The following NRG1 variants were observed in gnomAD, a reference collection of about 807,000 sequenced individuals.
NRG1 encodes pro-neuregulin-1, membrane-bound isoform.
A neutral mutation model predicts 63.8 loss-of-function variants in NRG1; 18 were observed. The ratio of observed to expected loss-of-function variants is 0.28; its 90% confidence interval spans 0.19 to 0.42. NRG1 has a LOEUF of 0.42. Ranked by LOEUF, NRG1 falls within the 10% of genes least tolerant of loss-of-function variation. The probability of loss-of-function intolerance (pLI) is 1.00; values close to 1 mark genes in which losing one functional copy is unlikely to be tolerated. For synonymous variants in NRG1, 302 were observed against 301.3 expected, an observed-to-expected ratio of 1.00 and a Z score of -0.02; for missense variants, 762 against 814.7, an observed-to-expected ratio of 0.94 and a Z score of 0.79.
chr8:31,781,879 G>A (rs1053989501), intron 1 of NRG1, among the ~76,000 whole-genome samples: 1 of 152,048 alleles, frequency 6.6e-6, no homozygotes, highest in Non-Finnish European at 1.5e-5. Context: ...TCTGATGGGA[G>A]TAAGTTGTAT....
Position 32,148,522 on chromosome 8 carries a change from C to A in NRG1, c.38-447306C>A, listed in dbSNP as rs528818918. Among the ~76,000 whole-genome samples, 4 of 152,304 alleles carry A rather than the reference C, an allele frequency of 2.6e-5. No homozygotes were observed. The East Asian group carries it at 7.7e-4, about 29-fold the overall frequency. On this transcript the variant is annotated intron_variant, in intron 1 of 10. Transcript: ENST00000519301. ...CACACCATACTCCTGCCTCAGCCTC[C>A]CTAGTAGCTGGGACTACAGCCGCCC...
At chr8:32,249,162 T>G (rs1848857297) in intron 1 of NRG1, among the ~76,000 whole-genome samples, 1 of 152,116 alleles carries the variant, frequency 6.6e-6, no homozygotes, top group African/African-American at 2.4e-5. Context: ...TTTTATTTTT[T>G]TCAGAGATGG....
At chr8:31,708,492 C>T (rs1201446175) in intron 1 of NRG1, among the ~76,000 whole-genome samples, 2 of 145,282 alleles carry the variant, frequency 1.4e-5, no homozygotes, top group African/African-American at 2.5e-5. Flanking sequence ...GGCGCCCAGG[C>T]TGGAGTGCAG....
chr8:31,980,102 A>G (rs1808835412), intron 1 of NRG1, among the ~76,000 whole-genome samples: 1 of 152,008 alleles, frequency 6.6e-6, no homozygotes, highest in African/African-American at 2.4e-5. Context: ...AGCCAAGGTG[A>G]TGGAATTAGT....
chr8:31,794,977 AT>A (rs1265810771), intron 1 of NRG1, among the ~76,000 whole-genome samples: 1 of 152,008 alleles, frequency 6.6e-6, no homozygotes, highest in Non-Finnish European at 1.5e-5. Context: ...TAATTTTTGT[AT>A]TTTTAGTAGA....
At chr8:31,961,017 G>A (rs558213345) in intron 1 of NRG1, among the ~76,000 whole-genome samples, 92 of 152,236 alleles carry the variant, frequency 6.0e-4, no homozygotes, top group Non-Finnish European at 1.1e-3. Context: ...TCAGTCCTTG[G>A]AATTTTTTTT....
At chr8:31,659,841 A>G (rs1239020704) in intron 1 of NRG1, among the ~76,000 whole-genome samples, 1 of 152,188 alleles carries the variant, frequency 6.6e-6, no homozygotes, top group East Asian at 1.9e-4. Flanking sequence ...TAGCTACCAA[A>G]AAGTGGACAT....
intron 1 of NRG1, among the ~76,000 whole-genome samples, chr8:31,674,727 C>T (rs1807504279): frequency 6.6e-6 from 1 of 152,186 alleles, no homozygotes; most frequent in African/African-American, 2.4e-5. Context: ...CCTGAATTTA[C>T]TGTAGTCAAC....
In NRG1 at chr8:31,853,578, CT is replaced by C. The variant is rs1434354677; in HGVS notation, c.37+214151del. ...GCAAACAGGGACAATTTGACTTCCT[CT>C]TTTCCTAATTGAATACCCTTTATTT... On this transcript the variant is annotated intron_variant, in intron 1 of 10. Coordinates refer to the NRG1 transcript ENST00000519301. Among the ~76,000 whole-genome samples, 7 of 150,956 alleles carry C rather than the reference CT, an allele frequency of 4.6e-5. No individual in the cohort carries two copies. In the East Asian group the frequency reaches 1.4e-3, roughly 30 times the overall value.
chr8:32,259,213 C>A (rs529837688), intron 1 of NRG1, among the ~76,000 whole-genome samples: 1 of 152,128 alleles, frequency 6.6e-6, no homozygotes, highest in Non-Finnish European at 1.5e-5. Flanking sequence ...TTTGAATGTC[C>A]CTATCAAAAC....
At chr8:31,867,610 A>C (rs10503893) in intron 1 of NRG1, among the ~76,000 whole-genome samples, 22,939 of 152,100 alleles carry the variant, frequency 0.15, 2,054 homozygotes, top group Non-Finnish European at 0.19. Flanking sequence ...GCTGTAATGG[A>C]AGTAATAAAG....
Position 31,736,163 on chromosome 8 carries a change from G to A in NRG1, c.37+96732G>A, listed in dbSNP as rs78671172. On this transcript the variant is annotated intron_variant, in intron 1 of 10. Transcript: ENST00000519301. ...CCACCTGACCTCTTTTTCTACCACCGCCCTCAGGTCACTCTGCTTCAGACA... is the reference window on the plus strand; with the variant it reads ...CCACCTGACCTCTTTTTCTACCACCACCCTCAGGTCACTCTGCTTCAGACA... Among the ~76,000 whole-genome samples the A allele has an allele frequency of 4.5e-3, 687 of 151,996 alleles. 9 individuals carry two copies. Among genetic ancestry groups the A allele is most frequent in the African/African-American group, 0.016 (644 of 41,460 alleles).
chr8:32,712,939 T>G (rs1002147404), intron 5 of NRG1, among the ~76,000 whole-genome samples: 1 of 152,164 alleles, frequency 6.6e-6, no homozygotes, highest in African/African-American at 2.4e-5. Context: ...TCTCTAGAAT[T>G]GGATCATCCA....
chr8:32,637,376 C>T (rs1000465204), intron 5 of NRG1, among the ~76,000 whole-genome samples: 4 of 152,128 alleles, frequency 2.6e-5, no homozygotes, highest in African/African-American at 9.7e-5. Flanking sequence ...ATATATGTTT[C>T]TCTCAAATAA....
Position 32,754,485 on chromosome 8 carries a change from T to A in NRG1, c.794+11T>A. ...CTACTGCAAAACCAAGTAAACCTTCTTTCTCCATGCCTTTCTCTCTCCTTC... is the reference window on the plus strand; with the variant it reads ...CTACTGCAAAACCAAGTAAACCTTCATTCTCCATGCCTTTCTCTCTCCTTC... On this transcript the variant is annotated intron_variant, in intron 8 of 11. Transcript: ENST00000356819. 6.2e-7 allele frequency: 1 copy of A among 1,612,408 alleles called. No individual in the cohort carries two copies. The highest frequency in any genetic ancestry group is 8.5e-7 in the Non-Finnish European group (1 of 1,179,026).
intron 1 of NRG1, among the ~76,000 whole-genome samples, chr8:32,148,931 C>A (rs936828281): frequency 6.6e-6 from 1 of 152,080 alleles, no homozygotes; most frequent in South Asian, 2.1e-4. Flanking sequence ...GGGTCTGGAT[C>A]ACCTCTATTA....
intron 6 of NRG1, among the ~76,000 whole-genome samples, chr8:32,728,935 G>A (rs949011832): frequency 5.3e-5 from 8 of 152,162 alleles, no homozygotes; most frequent in African/African-American, 1.7e-4. Flanking sequence ...GGGCGTGGTG[G>A]CACACGCCTG....
At position 31,976,450 on chromosome 8, in the gene NRG1, G is replaced by A. The variant is rs544230211; in HGVS notation, c.37+337019G>A. On this transcript the variant is annotated intron_variant, in intron 1 of 10. Transcript: ENST00000519301. The stretch of plus-strand genomic sequence containing the variant: ...GTGACATGGACCCTCAGCCCATGAC[G>A]CTCACTACCACTGACATGTTGCATG... Among the ~76,000 whole-genome samples, 9 of 152,240 alleles carry A rather than the reference G, an allele frequency of 5.9e-5. No individual in the cohort carries two copies. In the East Asian group the frequency reaches 1.7e-3, roughly 29 times the overall value.
chr8:31,642,179 T>C (rs1803859796), intron 1 of NRG1, among the ~76,000 whole-genome samples: 1 of 152,198 alleles, frequency 6.6e-6, no homozygotes, highest in South Asian at 2.1e-4. Flanking sequence ...GCTGTCTTAT[T>C]AGGCAACCGA....
Sources: allele counts gnomAD v4.1 joint callset (sites outside exome capture counted in the v4.1 genomes callset), GRCh38; gene constraint gnomAD v4.1.1; transcripts MANE v1.5; gene names NCBI Gene and HGNC (gene_info 2026-07-23, HGNC 2026-07-21).